The following KAT14 variants were observed in gnomAD, a reference collection of about 807,000 sequenced individuals.
KAT14 encodes cysteine-rich protein 2-binding protein.
In KAT14, 66 loss-of-function variants were observed where a neutral mutation model predicts 78.4. The observed-to-expected ratio is 0.84, with a 90% CI of 0.69 to 1.03. The LOEUF (loss-of-function observed/expected upper bound fraction) is 1.03. KAT14 is among the 50% of genes least tolerant of loss of function. The probability of loss-of-function intolerance (pLI) is 0.00; values close to 1 mark genes in which losing one functional copy is unlikely to be tolerated. For missense variants in KAT14, 870 were observed against 972.5 expected (o/e 0.89, Z 1.40); for synonymous variants, 344 against 359.4 (o/e 0.96, Z 0.48).
chr20:18,139,564 A>G (rs6045213), intron 1 of KAT14, among the ~76,000 whole-genome samples: 57,328 of 151,774 alleles, frequency 0.38, 11,239 homozygotes, highest in East Asian at 0.54. Flanking sequence ...TTAACACAGG[A>G]CTAAGCACCA....
At position 18,145,312 on chromosome 20, in the gene KAT14, C is replaced by A; in HGVS notation, c.339C>A (p.Gly113=). ...RFTCSDCSAD[G]KEQYERLKLT... The stretch of plus-strand genomic sequence containing the variant: ...CTTGTTCGGATTGCTCAGCAGATGG[C>A]AAGGAGCAGTATGAAAGGCTGAAGC... Residue 113 remains glycine (G), a synonymous_variant, in exon 3 of 11, where the codon GGC becomes GGA. Coordinates refer to ENST00000688188, the MANE Select transcript of KAT14 (RefSeq NM_001392073.1). 1 of 1,614,130 alleles carries A rather than the reference C, an allele frequency of 6.2e-7. No homozygotes were observed. Among genetic ancestry groups the A allele is most frequent in the Non-Finnish European group, 8.5e-7 (1 of 1,180,024 alleles).
intron 7 of KAT14, among the ~76,000 whole-genome samples, chr20:18,164,381 TTACTA>T (rs2038557323): frequency 6.6e-6 from 1 of 151,958 alleles, no homozygotes; most frequent in Non-Finnish European, 1.5e-5. Flanking sequence ...GGCAGTATAA[TTACTA>T]TAGGGGTATA....
Position 18,142,847 on chromosome 20 carries a change from G to C in KAT14, c.187G>C (p.Glu63Gln). 1.9e-6 allele frequency: 3 copies of C among 1,614,200 alleles called. No individual in the cohort carries two copies. The highest frequency in any genetic ancestry group is 2.5e-6 in the Non-Finnish European group (3 of 1,180,030). The part of the protein sequence containing the change: ...DQSGDSLNSD[E>Q]GDVSWMEEQL... ...GAGTGGGGATTCCCTCAACAGTGAT[G>C]AAGGAGACGTGTCTTGGATGGAGGA... Residue 63 changes from glutamate (E) to glutamine (Q), a missense_variant, in exon 2 of 11, where the codon GAA becomes CAA. Glu to Gln is a conservative substitution (Grantham distance 29). Coordinates refer to ENST00000688188, the MANE Select transcript of KAT14 (RefSeq NM_001392073.1).
chr20:18,150,801 T>A lies in KAT14; in HGVS notation c.379-20T>A. 2 of 1,614,022 alleles carry A rather than the reference T, an allele frequency of 1.2e-6. No homozygotes were observed. The highest frequency in any genetic ancestry group is 1.1e-5 in the South Asian group (1 of 91,048). On this transcript the variant is annotated intron_variant, in intron 3 of 10. Coordinates refer to ENST00000688188, the MANE Select transcript of KAT14 (RefSeq NM_001392073.1). ...CCTAACCGTGCTGTTCTCCCACCTC[T>A]TGTTTCAATTGTGTTTCAGGTCGTC... is the stretch of plus-strand genomic sequence containing the variant.
At chr20:18,168,387 G>T (rs2146462710) in intron 7 of KAT14, among the ~76,000 whole-genome samples, 1 of 152,238 alleles carries the variant, frequency 6.6e-6, no homozygotes, top group Admixed American at 6.5e-5. Flanking sequence ...AATTAGCCAG[G>T]CCTGGTGGCG....
In KAT14 at chr20:18,161,903, A is replaced by G. The variant is rs908377758; in HGVS notation, c.763A>G (p.Met255Val). ...RASRNPVESA[M>V]ELKEKRSRTQ... ...AAGTCGGAATCCTGTGGAATCTGCC[A>G]TGGAATTAAAAGAGAAAAGGTCTCG... The change falls in exon 6 of 11, where the codon ATG (methionine) becomes GTG (valine). Residue 255 changes from methionine to valine, a missense_variant. By Grantham distance (21) the Met-to-Val change is conservative. Coordinates refer to ENST00000688188, the MANE Select transcript of KAT14 (RefSeq NM_001392073.1). 3 of 1,614,238 alleles carry G rather than the reference A, an allele frequency of 1.9e-6. No individual in the cohort carries two copies. Among genetic ancestry groups the G allele is most frequent in the Non-Finnish European group, 2.5e-6 (3 of 1,180,050 alleles).
intron 3 of KAT14, among the ~76,000 whole-genome samples, chr20:18,148,556 A>C (rs1194032491): frequency 1.3e-5 from 2 of 151,606 alleles, no homozygotes; most frequent in Non-Finnish European, 2.9e-5. Context: ...CTCATTACTG[A>C]TGAGCTTGGT....
rs144807691 is a variant in KAT14 at position 18,151,163 on chromosome 20, T to C, written c.500+221T>C. Among the ~76,000 whole-genome samples the C allele has an allele frequency of 2.7e-3, 417 of 152,186 alleles. 1 individual carries two copies. Among genetic ancestry groups the C allele is most frequent in the Middle Eastern group, 6.8e-3 (2 of 294 alleles). On this transcript the variant is annotated intron_variant, in intron 4 of 10. Coordinates refer to ENST00000688188, the MANE Select transcript of KAT14 (RefSeq NM_001392073.1). ...CATCAGCCTCCTGAGTAGCTGGGATTACAGGTGTGCACCAACATGCCTGGC... is the reference window on the plus strand; with the variant it reads ...CATCAGCCTCCTGAGTAGCTGGGATCACAGGTGTGCACCAACATGCCTGGC...
chr20:18,143,398 CT>C (rs1317410121), intron 2 of KAT14, among the ~76,000 whole-genome samples: 40 of 151,578 alleles, frequency 2.6e-4, no homozygotes, highest in African/African-American at 8.9e-4. Context: ...TTCCATTTTC[CT>C]TTTTTTCTGC....
intron 10 of KAT14, among the ~76,000 whole-genome samples, chr20:18,185,801 T>C (rs1410970377): frequency 6.6e-6 from 1 of 152,222 alleles, no homozygotes; most frequent in Non-Finnish European, 1.5e-5. Flanking sequence ...CTCCAATTTT[T>C]AATGAAACTT....
intron 1 of KAT14, among the ~76,000 whole-genome samples, chr20:18,139,658 GTGTGTGTGTGTGTGTGTT>G (rs929423280): frequency 5.7e-4 from 83 of 145,750 alleles, no homozygotes; most frequent in East Asian, 2.6e-3. Flanking sequence ...GTGTGTGTGT[GTGTGTGTGTGTGTGTGTT>G]TATTTTTTTT....
rs1383263596 is a variant in KAT14, at chr20:18,142,613, C to G, written c.-48C>G. 1 of 1,610,380 alleles carries G rather than the reference C, an allele frequency of 6.2e-7. No individual in the cohort carries two copies. The highest frequency in any genetic ancestry group is 1.7e-5 in the Admixed American group (1 of 59,794). ...GCCCCATTAGGGTCACTGTCCAGTGCTTAGGGTTGTTACTGAGAAGCACTG... is the reference window on the plus strand; with the variant it reads ...GCCCCATTAGGGTCACTGTCCAGTGGTTAGGGTTGTTACTGAGAAGCACTG... On this transcript the variant is annotated 5_prime_UTR_variant, in exon 2 of 11. Coordinates refer to ENST00000688188, the MANE Select transcript of KAT14 (RefSeq NM_001392073.1).
chr20:18,138,228 G>T, intron 1 of KAT14, 177 bp downstream of exon 1: 1 of 1,256,796 alleles, frequency 8.0e-7, no homozygotes, highest in Non-Finnish European at 1.0e-6. Context: ...CTGGGCTCCG[G>T]GCGCTGCAGC....
At chr20:18,159,349 TG>T in intron 5 of KAT14, 84 bp downstream of exon 5, 1 of 1,492,038 alleles carries the variant, frequency 6.7e-7, no homozygotes, top group Non-Finnish European at 9.0e-7. Flanking sequence ...CTGCTTCCAC[TG>T]GGCATGGCTC....
At position 18,183,290 on chromosome 20, in the gene KAT14, T is replaced by C. The variant is rs768455301; in HGVS notation, c.1973T>C (p.Phe658Ser). 1 of 1,613,666 alleles carries C rather than the reference T, an allele frequency of 6.2e-7. No individual in the cohort carries two copies. Among genetic ancestry groups the C allele is most frequent in the Non-Finnish European group, 8.5e-7 (1 of 1,179,718 alleles). The change falls in exon 9 of 11, where the codon TTT (phenylalanine) becomes TCT (serine). Residue 658 changes from phenylalanine (F) to serine (S), a missense_variant. Physicochemically the swap from Phe to Ser is radical, Grantham distance 155 (BLOSUM62 -2). Transcript: ENST00000688188. ...PTINSMCQEF[F>S]WPGIDLSECL... ...ATCAACTCCATGTGTCAGGAGTTTT[T>C]TTGGCCTGGTATGTTCCCCCTCCCA...
At position 18,183,405 on chromosome 20, in the gene KAT14, C is replaced by T. The variant is rs952676692; in HGVS notation, c.1981+107C>T. 155 of 1,393,278 alleles carry T rather than the reference C, an allele frequency of 1.1e-4. 1 individual carries two copies. Among genetic ancestry groups the T allele is most frequent in the African/African-American group, 1.0e-3 (70 of 68,072 alleles). 86.3% of individuals were successfully genotyped at this position (1,393,278 alleles called of 1,614,324 possible). On this transcript the variant is annotated intron_variant, in intron 9 of 10. Coordinates refer to ENST00000688188, the MANE Select transcript of KAT14 (RefSeq NM_001392073.1). The stretch of plus-strand genomic sequence containing the variant: ...TCCTTAAGATTTTTATTTATGATTT[C>T]GTTTAGTTTGTCTCTGCTAACATGG...
In KAT14 at chr20:18,162,378, T is replaced by C. The variant is rs753930115; in HGVS notation, c.1101T>C (p.Asp367=). The part of the protein sequence containing the change: ...DVMPPQALFH[D]DDEMEGDGVI... ...GACACTGTTTTGTACTCTGCACAGATGACGATGAGATGGAAGGCGATGGAG... is the reference window on the plus strand; with the variant it reads ...GACACTGTTTTGTACTCTGCACAGACGACGATGAGATGGAAGGCGATGGAG... Residue 367 remains aspartate (D), a splice_region_variant and synonymous_variant, in exon 7 of 11, where the codon GAT becomes GAC. Coordinates refer to ENST00000688188, the MANE Select transcript of KAT14 (RefSeq NM_001392073.1). 4.3e-6 allele frequency: 7 copies of C among 1,611,120 alleles called. No individual in the cohort carries two copies. Among genetic ancestry groups the C allele is most frequent in the Admixed American group, 1.7e-5 (1 of 59,670 alleles).
rs887926392 is a variant in KAT14, at chr20:18,181,851, A to T, written c.1805+5A>T. ...GATCTTGAAACCTTATATCAGGTAT[A>T]TGGAGAACTAGAGGTGTGATGTCAG... is the stretch of plus-strand genomic sequence containing the variant. On this transcript the variant is annotated splice_donor_5th_base_variant and intron_variant, in intron 8 of 10. Coordinates refer to ENST00000688188, the MANE Select transcript of KAT14 (RefSeq NM_001392073.1). 6.2e-7 allele frequency: 1 copy of T among 1,613,888 alleles called. No homozygotes were observed. Among genetic ancestry groups the T allele is most frequent in the African/African-American group, 1.3e-5 (1 of 75,016 alleles).
At chr20:18,184,497 T>TG in intron 9 of KAT14, 105 bp from the exon 10 acceptor site, 1 of 1,030,540 alleles carries the variant, frequency 9.7e-7, no homozygotes, top group Non-Finnish European at 1.3e-6. Flanking sequence ...TTTTTTTTTT[T>TG]TTTTTTAGCA....
Sources: gnomAD v4.1 joint callset for allele counts (sites outside exome capture counted in the v4.1 genomes callset) on GRCh38, gnomAD v4.1.1 for gene constraint, MANE v1.5 for transcripts, NCBI Gene and HGNC (gene_info 2026-07-23, HGNC 2026-07-21) for gene names.